The following NEBL variants were observed in gnomAD, a reference collection of about 807,000 sequenced individuals.
NEBL encodes the protein nebulette, also known as LIM and SH3 protein 2.
In NEBL, 122 loss-of-function variants were observed where a neutral mutation model predicts 140.2. The ratio of observed to expected loss-of-function variants is 0.87; its 90% CI spans 0.75 to 1.01. NEBL has a LOEUF of 1.01. Ranked by LOEUF, NEBL falls within the 50% of genes least tolerant of loss-of-function variation. NEBL has a pLI of 0.00. For missense variants in NEBL, 1,365 were observed against 1,231.3 expected, an observed-to-expected ratio of 1.11 and a Z score of -1.62; for synonymous variants, 436 against 398.9, an observed-to-expected ratio of 1.09 and a Z score of -1.11.
At chr10:20,927,903 G>A (rs909648085) in intron 4 of NEBL, among the ~76,000 whole-genome samples, 3 of 152,112 alleles carry the variant, frequency 2.0e-5, no homozygotes, top group African/African-American at 7.2e-5. Context: ...CTTTCATCCT[G>A]TAAGATAGTG....
At chr10:21,185,793 C>T (rs188822769) in intron 3 of NEBL, among the ~76,000 whole-genome samples, 2 of 152,282 alleles carry the variant, frequency 1.3e-5, no homozygotes, top group Non-Finnish European at 2.9e-5. Context: ...CCACTGCGCC[C>T]TACCTCTTTC....
intron 3 of NEBL, among the ~76,000 whole-genome samples, chr10:21,010,033 C>T (rs1055860155): frequency 7.2e-5 from 11 of 151,986 alleles, no homozygotes; most frequent in African/African-American, 1.5e-4. Flanking sequence ...AAGGCCATTA[C>T]GAGACAGTAG....
intron 17 of NEBL, among the ~76,000 whole-genome samples, chr10:20,827,455 T>A (rs1839986463): frequency 1.3e-5 from 2 of 152,198 alleles, no homozygotes; most frequent in African/African-American, 4.8e-5. Context: ...AGGTAGGAAA[T>A]ATTCCAGAAG....
intron 3 of NEBL, among the ~76,000 whole-genome samples, chr10:21,243,076 G>A (rs1011119581): frequency 6.6e-6 from 1 of 152,084 alleles, no homozygotes; most frequent in Non-Finnish European, 1.5e-5. Context: ...CATGATCAGG[G>A]AAGCTGATAA....
chr10:21,152,291 G>A (rs538335165), intron 2 of NEBL, among the ~76,000 whole-genome samples: 1 of 152,268 alleles, frequency 6.6e-6, no homozygotes, highest in South Asian at 2.1e-4. Flanking sequence ...GGACCCCAAG[G>A]ACAGTGACGC....
chr10:21,122,327 G>A (rs550446385), intron 2 of NEBL, among the ~76,000 whole-genome samples: 3 of 151,716 alleles, frequency 2.0e-5, no homozygotes, highest in African/African-American at 7.3e-5. Flanking sequence ...CGCCCAGCCG[G>A]GATCTCTCCC....
chr10:21,165,445 T>C (rs1461666474), intron 2 of NEBL, among the ~76,000 whole-genome samples: 1 of 152,188 alleles, frequency 6.6e-6, no homozygotes, highest in Non-Finnish European at 1.5e-5. Flanking sequence ...CCTAATCCAG[T>C]TCTTCTGGAT....
chr10:21,050,990 A>G (rs1200846121), intron 2 of NEBL, among the ~76,000 whole-genome samples: 3 of 152,178 alleles, frequency 2.0e-5, no homozygotes, highest in African/African-American at 7.2e-5. Context: ...TCCATCTATT[A>G]TGAACACTCC....
chr10:20,987,944 A>G (rs1449109844), intron 3 of NEBL, among the ~76,000 whole-genome samples: 1 of 152,208 alleles, frequency 6.6e-6, no homozygotes, highest in East Asian at 1.9e-4. Flanking sequence ...TCCATGGTAC[A>G]GCATTATGGT....
chr10:21,243,160 A>T (rs1202475144), intron 3 of NEBL, among the ~76,000 whole-genome samples: 1 of 152,122 alleles, frequency 6.6e-6, no homozygotes, highest in Admixed American at 6.6e-5. Context: ...GGGAGTGGGA[A>T]GTGTCTACTG....
intron 3 of NEBL, among the ~76,000 whole-genome samples, chr10:20,991,001 C>A (rs1837434885): frequency 6.6e-6 from 1 of 152,214 alleles, no homozygotes; most frequent in African/African-American, 2.4e-5. Flanking sequence ...AAGCTCTGCC[C>A]TATACAACAA....
At chr10:20,961,897 G>T (rs898017019) in intron 3 of NEBL, 2 of 752,968 alleles carry the variant, frequency 2.7e-6, no homozygotes, top group Admixed American at 4.1e-5. Flanking sequence ...GATCTCAGCC[G>T]GAGGTGCAGT....
intron 3 of NEBL, among the ~76,000 whole-genome samples, chr10:21,198,092 T>C (rs1476759971): frequency 6.6e-6 from 1 of 152,122 alleles, no homozygotes; most frequent in Non-Finnish European, 1.5e-5. Context: ...AACCTGTTGG[T>C]CATGTAACGT....
At chr10:20,798,985 T>C (rs548014902) in intron 26 of NEBL, among the ~76,000 whole-genome samples, 1 of 152,326 alleles carries the variant, frequency 6.6e-6, no homozygotes, top group Admixed American at 6.5e-5. Flanking sequence ...AACTTTTTCT[T>C]AGGGACGTAA....
intron 4 of NEBL, among the ~76,000 whole-genome samples, chr10:20,918,722 G>T (rs1390027301): frequency 6.6e-6 from 1 of 151,478 alleles, no homozygotes; most frequent in South Asian, 2.1e-4. Flanking sequence ...GTGGTGGCGG[G>T]CGCCTATAGT....
At position 20,984,179 on chromosome 10, in the gene NEBL, A is replaced by G. The variant is rs150879546; in HGVS notation, c.250-22400T>C. Among the ~76,000 whole-genome samples, 769 of 151,966 alleles carry G rather than the reference A, an allele frequency of 5.1e-3. 14 individuals carry two copies. Among genetic ancestry groups the G allele is most frequent in the African/African-American group, 0.018 (734 of 41,496 alleles). ...AGTAAAGATTATATTAAAAACAGGT[A>G]CACCAAAAACACATAGTAAAAATCT... On this transcript the variant is annotated intron_variant, in intron 3 of 6. Coordinates refer to the NEBL transcript ENST00000417816.
In NEBL at chr10:20,912,044, C is replaced by G. The variant is rs1018802396; in HGVS notation, c.357+49628G>C. 2.6e-5 allele frequency among the ~76,000 whole-genome samples: 4 copies of G among 152,188 alleles called. 1 individual carries two copies. The highest frequency in any genetic ancestry group is 6.3e-3 in the Middle Eastern group (2 of 316). On this transcript the variant is annotated intron_variant, in intron 4 of 6. Coordinates refer to the NEBL transcript ENST00000417816. ...CACCTTTATCTCCCAATTTAATTAA[C>G]ATTCTCCCTCTTACGGTTATAATAA... is the stretch of plus-strand genomic sequence containing the variant.
chr10:21,203,486 T>C (rs946234567), intron 3 of NEBL, among the ~76,000 whole-genome samples: 1 of 152,186 alleles, frequency 6.6e-6, no homozygotes, highest in African/African-American at 2.4e-5. Flanking sequence ...TCTGTTTCAG[T>C]CTAAGAGTGG....
chr10:20,819,015 T>G, intron 20 of NEBL: 1 of 993,420 alleles, frequency 1.0e-6, no homozygotes, highest in Non-Finnish European at 1.2e-6. Flanking sequence ...CACTTTTTCA[T>G]GTTATAATGA....
Sources: allele counts gnomAD v4.1 joint callset (sites outside exome capture counted in the v4.1 genomes callset), GRCh38; gene constraint gnomAD v4.1.1; transcripts MANE v1.5; gene names NCBI Gene and HGNC (gene_info 2026-07-23, HGNC 2026-07-21).